SUPT3H: variants seen among roughly 807,000 people sequenced by gnomAD.
SUPT3H encodes SPT3 homolog, SAGA and STAGA complex component.
In SUPT3H, 44 loss-of-function variants were observed where a neutral mutation model predicts 44.3. That is an observed-to-expected ratio of 0.99 (90% confidence interval 0.78 to 1.28). The LOEUF (loss-of-function observed/expected upper bound fraction) is 1.28, where lower values mean the gene tolerates loss of function less well. Ranked by LOEUF, SUPT3H falls within the 50% of genes most tolerant of loss-of-function variation. SUPT3H has a pLI of 0.00. For missense variants in SUPT3H, 380 were observed against 387.1 expected (o/e 0.98, Z 0.15); for synonymous variants, 124 against 125.6 (o/e 0.99, Z 0.09).
At chr6:44,921,409 T>C (rs543379615) in intron 10 of SUPT3H, among the ~76,000 whole-genome samples, 4 of 152,286 alleles carry the variant, frequency 2.6e-5, no homozygotes, top group Non-Finnish European at 5.9e-5. Context: ...TCCTTAATTT[T>C]TTATTTTAAC....
At chr6:45,275,421 A>G (rs538406785) in intron 2 of SUPT3H, among the ~76,000 whole-genome samples, 3 of 152,342 alleles carry the variant, frequency 2.0e-5, no homozygotes, top group African/African-American at 7.2e-5. Flanking sequence ...ATTTGTTCTT[A>G]AAAGTGTTCT....
At chr6:45,257,640 A>G (rs1651458652) in intron 2 of SUPT3H, among the ~76,000 whole-genome samples, 1 of 152,152 alleles carries the variant, frequency 6.6e-6, no homozygotes, top group South Asian at 2.1e-4. Context: ...TCTGGAAGCT[A>G]GGAAGTCCAA....
chr6:44,988,944 T>C (rs1203430090), intron 6 of SUPT3H, among the ~76,000 whole-genome samples: 1 of 152,156 alleles, frequency 6.6e-6, no homozygotes, highest in African/African-American at 2.4e-5. Context: ...GGAGATTCAA[T>C]ATTATTAGAA....
chr6:44,939,525 G>C (rs1424586652), intron 9 of SUPT3H, among the ~76,000 whole-genome samples: 1 of 151,958 alleles, frequency 6.6e-6, no homozygotes, highest in South Asian at 2.1e-4. Context: ...GTACTTTTCT[G>C]TTTTTGTTGT....
chr6:45,197,528 A>C, intron 2 of SUPT3H: 1 of 243,296 alleles, frequency 4.1e-6, no homozygotes, highest in Non-Finnish European at 8.3e-6. Context: ...ATCCTCTATA[A>C]TACATGCTTT....
Position 45,134,980 on chromosome 6 carries a change from C to A in SUPT3H, c.102-28974G>T, listed in dbSNP as rs888429527. 2.0e-5 allele frequency among the ~76,000 whole-genome samples: 3 copies of A among 152,208 alleles called. No individual in the cohort carries two copies. In the East Asian group the frequency reaches 5.8e-4, roughly 29 times the overall value. On this transcript the variant is annotated intron_variant, in intron 2 of 10. Transcript: ENST00000371459. ...CATCCACTGCAATCGGGTTAAGGATCACCTTGGCCCCAAATGTCTTGCATT... is the reference window on the plus strand; with the variant it reads ...CATCCACTGCAATCGGGTTAAGGATAACCTTGGCCCCAAATGTCTTGCATT...
chr6:45,087,927 G>C (rs934112608), intron 3 of SUPT3H, among the ~76,000 whole-genome samples: 1 of 151,990 alleles, frequency 6.6e-6, no homozygotes, highest in Non-Finnish European at 1.5e-5. Flanking sequence ...AGGACTCGAA[G>C]ATCATTTAGG....
At position 44,997,624 on chromosome 6, in the gene SUPT3H, T is replaced by C. The variant is rs556751920; in HGVS notation, c.504+6029A>G. 1.3e-4 allele frequency among the ~76,000 whole-genome samples: 20 copies of C among 152,026 alleles called. No individual in the cohort carries two copies. In the East Asian group the frequency reaches 3.7e-3, roughly 28 times the overall value. On this transcript the variant is annotated intron_variant, in intron 6 of 10. Transcript: ENST00000371459. Reference sequence around the variant, plus strand: ...AAATTATGTTATCTGTACATAATGATAAATTTTTGTCTCCTGCCAATAGCA... The same window carrying C: ...AAATTATGTTATCTGTACATAATGACAAATTTTTGTCTCCTGCCAATAGCA...
At chr6:44,975,574 TTGG>T (rs541803829) in intron 6 of SUPT3H, among the ~76,000 whole-genome samples, 101 of 152,034 alleles carry the variant, frequency 6.6e-4, no homozygotes, top group Non-Finnish European at 1.2e-3. Flanking sequence ...CTTTGGAGAC[TTGG>T]TGGGAAGGGT....
rs1023646881 is a variant in SUPT3H, at chr6:45,327,190, G to A, written c.101+38011C>T. 2.6e-5 allele frequency among the ~76,000 whole-genome samples: 4 copies of A among 151,798 alleles called. No individual in the cohort carries two copies. In the South Asian group the frequency reaches 6.2e-4, roughly 24 times the overall value. ...TCTTCTGAATCAGAATTAGCAAATC[G>A]AGACGACTAACATACTCTGTCTGTG... is the stretch of plus-strand genomic sequence containing the variant. On this transcript the variant is annotated intron_variant, in intron 2 of 10. Transcript: ENST00000371459.
chr6:45,231,783 C>T (rs2153640451), intron 2 of SUPT3H, among the ~76,000 whole-genome samples: 1 of 152,222 alleles, frequency 6.6e-6, no homozygotes, highest in East Asian at 1.9e-4. Flanking sequence ...TTTGTTCATC[C>T]TTTACTCCTT....
At position 44,971,077 on chromosome 6, in the gene SUPT3H, TCTCC is replaced by T. The variant is rs60573989; in HGVS notation, c.505-9253_505-9250del. 3.9e-3 allele frequency among the ~76,000 whole-genome samples: 593 copies of T among 152,308 alleles called. 6 individuals carry two copies. Among genetic ancestry groups the T allele is most frequent in the African/African-American group, 0.014 (565 of 41,574 alleles). ...AAGAACAAAGGAGCCCTGCTTGCAATCTCCCTTTGTTGCTACTATGTGATTTATC... is the reference window on the plus strand; with the variant it reads ...AAGAACAAAGGAGCCCTGCTTGCAATCTTTGTTGCTACTATGTGATTTATC... On this transcript the variant is annotated intron_variant, in intron 6 of 10. Coordinates refer to ENST00000371459, the MANE Select transcript of SUPT3H (RefSeq NM_003599.4).
At chr6:45,302,471 T>A (rs1782283085) in intron 2 of SUPT3H, among the ~76,000 whole-genome samples, 1 of 145,838 alleles carries the variant, frequency 6.9e-6, no homozygotes, top group Non-Finnish European at 1.5e-5. Flanking sequence ...TATATACATA[T>A]ATATATATAT....
intron 10 of SUPT3H, among the ~76,000 whole-genome samples, chr6:44,890,239 C>A (rs1311692351): frequency 2.7e-5 from 4 of 149,524 alleles, no homozygotes; most frequent in Non-Finnish European, 1.5e-5. Context: ...TACCATTTGA[C>A]CCAGCCATCC....
rs1033860821 is a variant in SUPT3H at position 44,890,405 on chromosome 6, C to T, written c.912+42248G>A. Among the ~76,000 whole-genome samples, 16 of 151,966 alleles carry T rather than the reference C, an allele frequency of 1.1e-4. No homozygotes were observed. In the East Asian group the frequency reaches 1.6e-3, roughly 15 times the overall value. ...CTGGATTAAGAAAATGTGGCACATA[C>T]ATACCATGGAATACTGTGCAGCCAT... On this transcript the variant is annotated intron_variant, in intron 10 of 10. Coordinates refer to ENST00000371459, the MANE Select transcript of SUPT3H (RefSeq NM_003599.4).
intron 2 of SUPT3H, among the ~76,000 whole-genome samples, chr6:45,311,664 C>T (rs1584857242): frequency 6.6e-6 from 1 of 152,108 alleles, no homozygotes; most frequent in African/African-American, 2.4e-5. Context: ...TATCTTCAAC[C>T]TCCTCAAACA....
At chr6:45,286,908 A>G (rs1194088785) in intron 2 of SUPT3H, among the ~76,000 whole-genome samples, 1 of 152,220 alleles carries the variant, frequency 6.6e-6, no homozygotes, top group African/African-American at 2.4e-5. Flanking sequence ...AATACTATGC[A>G]GCCCTAAAAA....
chr6:45,092,291 G>A (rs1797224154), intron 3 of SUPT3H, among the ~76,000 whole-genome samples: 1 of 152,022 alleles, frequency 6.6e-6, no homozygotes, highest in Non-Finnish European at 1.5e-5. Flanking sequence ...TATTTATGCT[G>A]ATGTTTATTA....
intron 10 of SUPT3H, among the ~76,000 whole-genome samples, chr6:44,872,462 A>G (rs1030867892): frequency 1.3e-5 from 2 of 148,680 alleles, no homozygotes; most frequent in African/African-American, 4.9e-5. Flanking sequence ...AGATTTTGTC[A>G]CCACCAGGCC....
Sources: gnomAD v4.1 joint callset for allele counts (sites outside exome capture counted in the v4.1 genomes callset) on GRCh38, gnomAD v4.1.1 for gene constraint, MANE v1.5 for transcripts, NCBI Gene and HGNC (gene_info 2026-07-23, HGNC 2026-07-21) for gene names.